PRKN: variants seen among roughly 807,000 people sequenced by gnomAD.
PRKN encodes the protein parkin RBR E3 ubiquitin protein ligase, also known as E3 ubiquitin-protein ligase parkin.
In PRKN, 56 loss-of-function variants were observed where a neutral mutation model predicts 59.5. The ratio of observed to expected loss-of-function variants is 0.94; its 90% CI spans 0.76 to 1.18. PRKN has a LOEUF of 1.18. PRKN is among the 50% of genes most tolerant of loss of function. The pLI is 0.00. For missense variants in PRKN, 657 were observed against 596.4 expected (o/e 1.10, Z -1.06); for synonymous variants, 250 against 222.1 (o/e 1.13, Z -1.12).
intron 7 of PRKN, among the ~76,000 whole-genome samples, chr6:161,618,515 A>T (rs1219912463): frequency 1.3e-5 from 2 of 152,198 alleles, no homozygotes; most frequent in Non-Finnish European, 1.5e-5. Flanking sequence ...CCAAAAAATT[A>T]AACTAAAGGT....
intron 7 of PRKN, among the ~76,000 whole-genome samples, chr6:161,662,881 T>C (rs1345124164): frequency 1.3e-5 from 2 of 152,124 alleles, no homozygotes; most frequent in African/African-American, 2.4e-5. Context: ...ATCGAGGATA[T>C]TGATATGGTT....
At chr6:162,011,134 AT>A (rs375864405) in intron 5 of PRKN, among the ~76,000 whole-genome samples, 4 of 244 alleles carry the variant, frequency 0.016, 2 homozygotes, top group Non-Finnish European at 0.026. Context: ...ATAATATATA[AT>A]TATAATATAT....
At chr6:161,617,628 CAAACTTTAGTG>C (rs1374336278) in intron 7 of PRKN, among the ~76,000 whole-genome samples, 1 of 152,174 alleles carries the variant, frequency 6.6e-6, no homozygotes, top group Non-Finnish European at 1.5e-5. Context: ...AATATAATGA[CAAACTTTAGTG>C]AGATGGGTTT....
intron 7 of PRKN, among the ~76,000 whole-genome samples, chr6:161,674,401 G>T (rs1284822330): frequency 1.3e-5 from 2 of 151,972 alleles, no homozygotes; most frequent in Non-Finnish European, 2.9e-5. Context: ...TGCTCCTATA[G>T]TCTCTATTAG....
At chr6:162,140,169 T>C (rs531072826) in intron 4 of PRKN, among the ~76,000 whole-genome samples, 6 of 152,352 alleles carry the variant, frequency 3.9e-5, no homozygotes, top group Admixed American at 1.3e-4. Flanking sequence ...GATTGCATTA[T>C]GATTCAGTTT....
intron 4 of PRKN, among the ~76,000 whole-genome samples, chr6:162,081,244 C>T (rs770434685): frequency 4.6e-5 from 7 of 152,016 alleles, no homozygotes; most frequent in Non-Finnish European, 8.8e-5. Flanking sequence ...AATGGTGAAT[C>T]GTTTCCAGAA....
chr6:162,600,470 A>G (rs1336004219), intron 1 of PRKN, among the ~76,000 whole-genome samples: 1 of 152,190 alleles, frequency 6.6e-6, no homozygotes, highest in Non-Finnish European at 1.5e-5. Flanking sequence ...ATACACACTT[A>G]CATCTCTTAA....
At chr6:162,670,032 T>G (rs1472184033) in intron 1 of PRKN, among the ~76,000 whole-genome samples, 2 of 152,256 alleles carry the variant, frequency 1.3e-5, no homozygotes, top group Non-Finnish European at 2.9e-5. Context: ...TCCTTTGTGC[T>G]GCTAAACATT....
At chr6:162,694,412 G>A (rs1290552456) in intron 1 of PRKN, among the ~76,000 whole-genome samples, 1 of 152,100 alleles carries the variant, frequency 6.6e-6, no homozygotes, top group African/African-American at 2.4e-5. Context: ...CTAAATATGA[G>A]GAGTAGCACA....
chr6:162,698,529 G>C (rs1778045992), intron 1 of PRKN, among the ~76,000 whole-genome samples: 1 of 152,160 alleles, frequency 6.6e-6, no homozygotes, highest in South Asian at 2.1e-4. Context: ...ATGGTGGCTT[G>C]CAAAGTCAAA....
chr6:161,590,426 C>T (rs147775335), intron 7 of PRKN, among the ~76,000 whole-genome samples: 2,359 of 152,118 alleles, frequency 0.016, 30 homozygotes, highest in Middle Eastern at 0.041. Context: ...GGTGAAACCC[C>T]ATCTCTACTA....
Position 162,437,096 on chromosome 6 carries a change from A to AT in PRKN, c.171+6213_171+6214insA, listed in dbSNP as rs533352081. Among the ~76,000 whole-genome samples the AT allele has an allele frequency of 2.2e-3, 321 of 147,688 alleles. 2 individuals are homozygous for AT. Among genetic ancestry groups the AT allele is most frequent in the African/African-American group, 7.5e-3 (298 of 39,772 alleles). On this transcript the variant is annotated intron_variant, in intron 2 of 11. Coordinates refer to ENST00000366898, the MANE Select transcript of PRKN (RefSeq NM_004562.3). ...GACAGAGCGAGACTCTGTCTCAAAA[A>AT]AAATAAATAAATAAATAAAAAAAGG...
chr6:161,584,939 G>A lies in PRKN; in HGVS notation c.872-15523C>T, dbSNP rs1378911124. 6.6e-6 allele frequency among the ~76,000 whole-genome samples: 1 copy of A among 152,176 alleles called. No individual in the cohort carries two copies. Among genetic ancestry groups the A allele is most frequent in the Non-Finnish European group, 1.5e-5 (1 of 68,036 alleles). ...AATGCAGTGCTATTTCATAAAGAAT[G>A]CATTGCTTCAGATCTGTCAATGAAT... is the stretch of plus-strand genomic sequence containing the variant. On this transcript the variant is annotated intron_variant, in intron 7 of 11. Coordinates refer to ENST00000366898, the MANE Select transcript of PRKN (RefSeq NM_004562.3). This position sits in a 1 kb window ranked among gnomAD's most constrained non-coding sequence, Gnocchi z 4.8.
At chr6:162,307,400 T>TAAAA (rs545669121) in intron 2 of PRKN, among the ~76,000 whole-genome samples, 1 of 75,488 alleles carries the variant, frequency 1.3e-5, no homozygotes. Flanking sequence ...ACCGTCTCAA[T>TAAAA]AAAAAAAAAA....
intron 6 of PRKN, among the ~76,000 whole-genome samples, chr6:161,965,752 G>C (rs941744219): frequency 6.6e-6 from 1 of 151,978 alleles, no homozygotes; most frequent in Non-Finnish European, 1.5e-5. Flanking sequence ...CCAGCCTATA[G>C]GTAAATTTAA....
At chr6:162,124,029 C>T (rs1488053040) in intron 4 of PRKN, among the ~76,000 whole-genome samples, 2 of 152,090 alleles carry the variant, frequency 1.3e-5, no homozygotes, top group African/African-American at 2.4e-5. Flanking sequence ...GCACACAACC[C>T]GAGCAACAAT....
chr6:161,479,614 C>T lies in PRKN; in HGVS notation c.1083+69240G>A, dbSNP rs116110425. ...ACTTTCTGAGCATATGCTCTGTCCC[C>T]GGGGAAGACGACAGTCAAGGGAATC... On this transcript the variant is annotated intron_variant, in intron 9 of 11. Transcript: ENST00000366898. Among the ~76,000 whole-genome samples the T allele has an allele frequency of 6.3e-3, 957 of 152,240 alleles. 12 individuals carry two copies. Among genetic ancestry groups the T allele is most frequent in the African/African-American group, 0.021 (883 of 41,536 alleles).
intron 2 of PRKN, among the ~76,000 whole-genome samples, chr6:162,350,356 A>G (rs1198427596): frequency 1.3e-5 from 2 of 152,222 alleles, no homozygotes; most frequent in African/African-American, 4.8e-5. Context: ...TGACAAAGTG[A>G]TTCTAAATTT....
chr6:161,455,985 A>G (rs1789951876), intron 9 of PRKN, among the ~76,000 whole-genome samples: 1 of 152,200 alleles, frequency 6.6e-6, no homozygotes, highest in Non-Finnish European at 1.5e-5. Context: ...ATGTGTGTTT[A>G]TAGTTTCTTC....
Sources: allele counts gnomAD v4.1 joint callset (sites outside exome capture counted in the v4.1 genomes callset), GRCh38; gene constraint gnomAD v4.1.1; non-coding constraint Gnocchi (gnomAD v3.1); transcripts MANE v1.5; gene names NCBI Gene and HGNC (gene_info 2026-07-23, HGNC 2026-07-21).